CSMD1: variants seen among roughly 807,000 people sequenced by gnomAD.
CSMD1 encodes the protein CUB and sushi domain-containing protein 1.
In CSMD1, 213 loss-of-function variants were observed where a neutral mutation model predicts 417.5. The observed-to-expected ratio is 0.51, with a 90% CI of 0.46 to 0.57. CSMD1 has a LOEUF of 0.57. Ranked by LOEUF, CSMD1 falls within the 20% of genes least tolerant of loss-of-function variation. CSMD1 has a pLI of 0.00. For missense variants in CSMD1, 6,923 were observed against 4,529.7 expected, an observed-to-expected ratio of 1.53 and a Z score of -15.17; for synonymous variants, 2,862 against 1,736.8, an observed-to-expected ratio of 1.65 and a Z score of -16.11.
intron 3 of CSMD1, among the ~76,000 whole-genome samples, chr8:4,217,276 T>C (rs1319616329): frequency 3.9e-5 from 6 of 152,242 alleles, no homozygotes; most frequent in Non-Finnish European, 8.8e-5. Context: ...CAGAAGTCTT[T>C]CATATAAGCC....
At chr8:4,021,763 T>A (rs576422138) in intron 4 of CSMD1, among the ~76,000 whole-genome samples, 2 of 152,160 alleles carry the variant, frequency 1.3e-5, no homozygotes, top group African/African-American at 2.4e-5. Context: ...CAATAATCTT[T>A]ATCTTGAGTG....
chr8:4,324,216 G>C (rs1799424928), intron 3 of CSMD1, among the ~76,000 whole-genome samples: 1 of 152,206 alleles, frequency 6.6e-6, no homozygotes, highest in Non-Finnish European at 1.5e-5. Flanking sequence ...CGGAATGTAT[G>C]ATGCATCTGC....
At chr8:3,345,546 G>A (rs1315200165) in intron 22 of CSMD1, among the ~76,000 whole-genome samples, 3 of 152,118 alleles carry the variant, frequency 2.0e-5, no homozygotes, top group Non-Finnish European at 4.4e-5. Context: ...ATTCCAATTG[G>A]ATGAGGAACA....
intron 50 of CSMD1, among the ~76,000 whole-genome samples, chr8:3,032,554 G>A (rs1810410665): frequency 6.6e-6 from 1 of 152,022 alleles, no homozygotes; most frequent in Non-Finnish European, 1.5e-5. Flanking sequence ...ACTCTCGCGA[G>A]AGGGTACTGA....
intron 40 of CSMD1, among the ~76,000 whole-genome samples, chr8:3,145,083 G>C (rs923021725): frequency 6.6e-6 from 1 of 150,696 alleles, no homozygotes; most frequent in Non-Finnish European, 1.5e-5. Flanking sequence ...GTGTGTCTGT[G>C]TGCACGTGTG....
intron 1 of CSMD1, among the ~76,000 whole-genome samples, chr8:4,781,723 C>G (rs964171056): frequency 6.6e-6 from 1 of 152,132 alleles, no homozygotes; most frequent in Non-Finnish European, 1.5e-5. Flanking sequence ...TTTCTGGGAA[C>G]ACTAGAAATG....
intron 3 of CSMD1, among the ~76,000 whole-genome samples, chr8:4,171,058 G>A (rs1199966220): frequency 6.6e-6 from 1 of 151,832 alleles, no homozygotes; most frequent in Non-Finnish European, 1.5e-5. Flanking sequence ...ATCCTCATCT[G>A]TCAGTGTTCC....
chr8:3,250,120 C>T (rs1003560925), intron 26 of CSMD1, among the ~76,000 whole-genome samples: 5 of 152,140 alleles, frequency 3.3e-5, no homozygotes, highest in African/African-American at 1.2e-4. Flanking sequence ...AGGTTTGTTA[C>T]ATATATATAC....
At position 4,796,552 on chromosome 8, in the gene CSMD1, G is replaced by C. The variant is rs988850902; in HGVS notation, c.86-158994C>G. ...CCCTCAGACACGCTCTCAGACTAGA[G>C]AGCACCCCTGTCTCCCACTCACTGT... On this transcript the variant is annotated intron_variant, in intron 1 of 69. Coordinates refer to ENST00000635120, the MANE Select transcript of CSMD1 (RefSeq NM_033225.6). Among the ~76,000 whole-genome samples the C allele has an allele frequency of 1.9e-4, 29 of 150,960 alleles. 1 individual carries two copies. The Admixed American group carries it at 1.9e-3, about 10-fold the overall frequency.
intron 37 of CSMD1, among the ~76,000 whole-genome samples, chr8:3,180,585 G>C (rs181787372): frequency 3.3e-5 from 5 of 152,094 alleles, no homozygotes; most frequent in Admixed American, 1.3e-4. Context: ...CTTGAGATTT[G>C]AACTTATACA....
chr8:3,097,477 A>G (rs1281058564), intron 46 of CSMD1, among the ~76,000 whole-genome samples: 3 of 152,156 alleles, frequency 2.0e-5, no homozygotes, highest in Non-Finnish European at 4.4e-5. Context: ...ACCCCTGGGG[A>G]TACATTCCAA....
At chr8:3,920,861 G>T (rs1183862598) in intron 5 of CSMD1, among the ~76,000 whole-genome samples, 1 of 152,042 alleles carries the variant, frequency 6.6e-6, no homozygotes, top group African/African-American at 2.4e-5. Context: ...ATGTGCTATT[G>T]AATTCATTTT....
At chr8:4,933,673 G>A (rs1369397958) in intron 1 of CSMD1, among the ~76,000 whole-genome samples, 2 of 152,114 alleles carry the variant, frequency 1.3e-5, no homozygotes, top group Non-Finnish European at 2.9e-5. Flanking sequence ...ATGAAAGGAA[G>A]GAAGGAAGGA....
At chr8:2,954,186 T>C (rs1979509) in intron 65 of CSMD1, 38 bp downstream of exon 65, 330,394 of 1,262,188 alleles carry the variant, frequency 0.26, 46,292 homozygotes, top group East Asian at 0.57. Flanking sequence ...CAAATCACTT[T>C]ATTGGATTGA....
At chr8:3,714,025 CAGAT>C (rs36006305) in intron 6 of CSMD1, among the ~76,000 whole-genome samples, 17,983 of 147,056 alleles carry the variant, frequency 0.12, 1,221 homozygotes, top group East Asian at 0.25. Flanking sequence ...GCTCACTATG[CAGAT>C]AGATAGATAG....
intron 3 of CSMD1, among the ~76,000 whole-genome samples, chr8:4,285,566 C>A (rs998742340): frequency 6.6e-6 from 1 of 152,180 alleles, no homozygotes; most frequent in Admixed American, 6.5e-5. Context: ...GGGCAGGTTT[C>A]GCTAATGCTG....
At chr8:4,356,686 T>G (rs1231400224) in intron 3 of CSMD1, among the ~76,000 whole-genome samples, 1 of 152,160 alleles carries the variant, frequency 6.6e-6, no homozygotes, top group Non-Finnish European at 1.5e-5. Context: ...CTTCTTTCCA[T>G]GTGTTTTGTC....
intron 1 of CSMD1, among the ~76,000 whole-genome samples, chr8:4,673,396 C>G (rs534805497): frequency 4.6e-5 from 7 of 152,266 alleles, no homozygotes; most frequent in South Asian, 2.1e-4. Flanking sequence ...CTGCTGCCAT[C>G]TGTAAGGATT....
At chr8:4,182,101 T>A in intron 3 of CSMD1, among the ~76,000 whole-genome samples, 1 of 151,928 alleles carries the variant, frequency 6.6e-6, no homozygotes, top group East Asian at 1.9e-4. Context: ...GAATAGCATT[T>A]CAATGCTAAA....
Sources: allele counts gnomAD v4.1 joint callset (sites outside exome capture counted in the v4.1 genomes callset), GRCh38; gene constraint gnomAD v4.1.1; transcripts MANE v1.5; gene names NCBI Gene and HGNC (gene_info 2026-07-23, HGNC 2026-07-21).